CDH12: variants seen among roughly 807,000 people sequenced by gnomAD.
CDH12 encodes cadherin 12, also known as cadherin-12.
A neutral mutation model predicts 74.1 loss-of-function variants in CDH12; 41 were observed. The observed-to-expected ratio is 0.55, with a 90% CI of 0.43 to 0.72. CDH12 has a LOEUF of 0.72. Among genes scored for constraint, CDH12 ranks in the 30% least tolerant of loss-of-function variants. The pLI is 0.00. For synonymous variants in CDH12, 399 were observed against 355.0 expected, an observed-to-expected ratio of 1.12 and a Z score of -1.39; for missense variants, 945 against 977.2, an observed-to-expected ratio of 0.97 and a Z score of 0.44.
intron 1 of CDH12, among the ~76,000 whole-genome samples, chr5:22,792,956 T>A (rs1047459343): frequency 6.6e-6 from 1 of 152,338 alleles, no homozygotes; most frequent in South Asian, 2.1e-4. Flanking sequence ...AGAACAGTGA[T>A]TTTCACTTTC....
chr5:21,960,904 T>G lies in CDH12; in HGVS notation c.526+14187A>C, dbSNP rs200901793. On this transcript the variant is annotated intron_variant, in intron 6 of 14. Coordinates refer to ENST00000382254, the MANE Select transcript of CDH12 (RefSeq NM_004061.5). ...TCAACGCAAAAACCATTGTTTCACCTCTGAAGATAATTTTTAATCTTTTGC... is the reference window on the plus strand; with the variant it reads ...TCAACGCAAAAACCATTGTTTCACCGCTGAAGATAATTTTTAATCTTTTGC... Among the ~76,000 whole-genome samples the G allele has an allele frequency of 1.5e-4, 23 of 152,256 alleles. No homozygotes were observed. In the East Asian group the frequency reaches 4.4e-3, roughly 29 times the overall value.
intron 5 of CDH12, among the ~76,000 whole-genome samples, chr5:22,011,989 T>G (rs899674481): frequency 8.5e-5 from 13 of 152,222 alleles, no homozygotes; most frequent in African/African-American, 2.9e-4. Context: ...GACTTTTATC[T>G]CAAAAGAGTC....
chr5:21,783,246 G>T, intron 11 of CDH12, 112 bp downstream of exon 11: 1 of 908,648 alleles, frequency 1.1e-6, no homozygotes. Context: ...TTCCCCGCGA[G>T]ACCACTCAGC....
In CDH12 at chr5:22,624,153, C is replaced by T. The variant is rs183259033; in HGVS notation, c.-522-118789G>A. Among the ~76,000 whole-genome samples, 162 of 151,922 alleles carry T rather than the reference C, an allele frequency of 1.1e-3. 2 individuals are homozygous for T. The South Asian group carries it at 0.031, about 29-fold the overall frequency. On this transcript the variant is annotated intron_variant, in intron 1 of 14. Transcript: ENST00000382254. ...CTGGATCCCTTCCTTACACCTTATA[C>T]AAAAATTCAAGATGGATTAAAGACT...
chr5:22,625,669 C>G (rs1272623749), intron 1 of CDH12, among the ~76,000 whole-genome samples: 1 of 152,170 alleles, frequency 6.6e-6, no homozygotes, highest in South Asian at 2.1e-4. Context: ...ATCTGAGTGG[C>G]CCCCTGTCTG....
Position 22,460,719 on chromosome 5 carries a change from T to TTC in CDH12, c.-428+44550_-428+44551insGA, listed in dbSNP as rs1317100426. Reference sequence around the variant, plus strand: ...CAGTTGATGATATCTAGCAATTTTTTTTTTTTTTTTTTTTTTTTTAGACGA... The same window carrying TTC: ...CAGTTGATGATATCTAGCAATTTTTTTCTTTTTTTTTTTTTTTTTTTAGACGA... On this transcript the variant is annotated intron_variant, in intron 2 of 14. Coordinates refer to ENST00000382254, the MANE Select transcript of CDH12 (RefSeq NM_004061.5). Among the ~76,000 whole-genome samples, 3 of 143,022 alleles carry TTC rather than the reference T, an allele frequency of 2.1e-5. No homozygotes were observed. In the East Asian group the frequency reaches 6.0e-4, roughly 29 times the overall value. The allele number at this position is 143,022 out of a possible 152,430, so 93.8% of individuals were successfully genotyped here. A position where few individuals can be genotyped will look rare whatever the true frequency, so the allele number is the denominator to read the frequency against.
intron 5 of CDH12, among the ~76,000 whole-genome samples, chr5:22,008,315 C>T (rs1737084963): frequency 6.6e-6 from 1 of 151,972 alleles, no homozygotes; most frequent in Non-Finnish European, 1.5e-5. Context: ...CTGTAACCTC[C>T]ACCTCCTGGG....
chr5:22,067,133 C>G (rs1741617508), intron 5 of CDH12, among the ~76,000 whole-genome samples: 1 of 152,118 alleles, frequency 6.6e-6, no homozygotes, highest in African/African-American at 2.4e-5. Flanking sequence ...TCTTGATTAC[C>G]TTTTCTTTTA....
chr5:22,029,449 G>A (rs1229659813), intron 5 of CDH12, among the ~76,000 whole-genome samples: 61 of 151,448 alleles, frequency 4.0e-4, no homozygotes, highest in African/African-American at 8.5e-4. Flanking sequence ...AAAAGTGGGC[G>A]AAGGATATGA....
chr5:22,003,953 C>CT (rs1204729264), intron 5 of CDH12, among the ~76,000 whole-genome samples: 1 of 148,750 alleles, frequency 6.7e-6, no homozygotes, highest in Non-Finnish European at 1.5e-5. Flanking sequence ...AAATTGTCTT[C>CT]TTTTTTTGTC....
chr5:21,941,290 AC>A (rs1259617878), intron 6 of CDH12, among the ~76,000 whole-genome samples: 6 of 152,144 alleles, frequency 3.9e-5, no homozygotes, highest in Admixed American at 2.6e-4. Flanking sequence ...AACATCAAAA[AC>A]AAATTAACCT....
chr5:22,479,564 G>A (rs1000095437), intron 2 of CDH12, among the ~76,000 whole-genome samples: 2 of 152,166 alleles, frequency 1.3e-5, no homozygotes, highest in African/African-American at 4.8e-5. Flanking sequence ...CCAGCTTGTT[G>A]ACTTGAATAG....
At chr5:22,200,481 A>G (rs949143224) in intron 4 of CDH12, among the ~76,000 whole-genome samples, 1 of 152,190 alleles carries the variant, frequency 6.6e-6, no homozygotes, top group African/African-American at 2.4e-5. Flanking sequence ...GAGCTGATTG[A>G]AAATAGGTGA....
chr5:22,408,870 T>A, intron 2 of CDH12, among the ~76,000 whole-genome samples: 1 of 151,904 alleles, frequency 6.6e-6, no homozygotes, highest in African/African-American at 2.4e-5. Context: ...CAATTTTGTT[T>A]CCAATGAATA....
intron 6 of CDH12, among the ~76,000 whole-genome samples, chr5:21,962,468 A>T (rs1756402037): frequency 1.3e-5 from 2 of 152,180 alleles, no homozygotes; most frequent in Non-Finnish European, 2.9e-5. Flanking sequence ...ATATCTCCAT[A>T]GTCTAAGGAC....
At chr5:22,452,009 T>G (rs1745063252) in intron 2 of CDH12, among the ~76,000 whole-genome samples, 1 of 151,744 alleles carries the variant, frequency 6.6e-6, no homozygotes, top group South Asian at 2.1e-4. Flanking sequence ...AAGAATGCAT[T>G]TAACCAATGA....
chr5:22,829,046 T>C (rs1249816168), intron 1 of CDH12, among the ~76,000 whole-genome samples: 1 of 152,184 alleles, frequency 6.6e-6, no homozygotes, highest in African/African-American at 2.4e-5. Flanking sequence ...AAAAGGAGTT[T>C]GATTCTCATT....
intron 6 of CDH12, among the ~76,000 whole-genome samples, chr5:21,860,332 G>A (rs1269276673): frequency 2.0e-5 from 3 of 151,970 alleles, no homozygotes; most frequent in Non-Finnish European, 4.4e-5. Flanking sequence ...GGTTGTATGA[G>A]GGATAACTGT....
intron 1 of CDH12, among the ~76,000 whole-genome samples, chr5:22,835,603 A>T (rs1736786004): frequency 1.3e-5 from 2 of 152,124 alleles, no homozygotes; most frequent in African/African-American, 4.8e-5. Flanking sequence ...GAATCTTAGA[A>T]TTTTTCTATG....
Sources: gnomAD v4.1 joint callset for allele counts (sites outside exome capture counted in the v4.1 genomes callset) on GRCh38, gnomAD v4.1.1 for gene constraint, MANE v1.5 for transcripts, NCBI Gene and HGNC (gene_info 2026-07-23, HGNC 2026-07-21) for gene names.